The following MAML2 variants were observed in gnomAD, a reference collection of about 807,000 sequenced individuals.
MAML2 encodes mastermind-like protein 2.
MAML2 carries 22 observed loss-of-function variants against 96.1 expected under a neutral mutation model. The ratio of observed to expected loss-of-function variants is 0.23; its 90% CI spans 0.16 to 0.33. The LOEUF (loss-of-function observed/expected upper bound fraction) is 0.33. MAML2 is among the 10% of genes least tolerant of loss of function. The probability of loss-of-function intolerance (pLI) is 1.00; values close to 1 mark genes in which losing one functional copy is unlikely to be tolerated. For missense variants in MAML2, 1,367 were observed against 1,392.4 expected (o/e 0.98, Z 0.29); for synonymous variants, 561 against 521.3 (o/e 1.08, Z -1.04).
intron 1 of MAML2, among the ~76,000 whole-genome samples, chr11:96,234,465 T>G (rs988885608): frequency 1.1e-4 from 16 of 151,976 alleles, no homozygotes; most frequent in Non-Finnish European, 4.4e-5. Context: ...TGGGAAACAA[T>G]AGCAAAACTC....
chr11:96,062,283 T>C (rs1370579975), intron 2 of MAML2, among the ~76,000 whole-genome samples: 1 of 152,206 alleles, frequency 6.6e-6, no homozygotes, highest in Non-Finnish European at 1.5e-5. Context: ...GAGATTTAAC[T>C]GGTAATGCCA....
chr11:96,002,496 G>T (rs183323716), intron 2 of MAML2, among the ~76,000 whole-genome samples: 3 of 152,242 alleles, frequency 2.0e-5, no homozygotes, highest in Non-Finnish European at 2.9e-5. Flanking sequence ...GAATGATGAT[G>T]GAGATCATGA....
intron 1 of MAML2, among the ~76,000 whole-genome samples, chr11:96,104,659 GAATT>G (rs1278531689): frequency 6.6e-6 from 1 of 152,170 alleles, no homozygotes; most frequent in Admixed American, 6.5e-5. Flanking sequence ...GTAGGCATTT[GAATT>G]AAGAGATATG....
chr11:96,307,218 T>C (rs1367956318), intron 1 of MAML2, among the ~76,000 whole-genome samples: 1 of 152,204 alleles, frequency 6.6e-6, no homozygotes, highest in Non-Finnish European at 1.5e-5. Flanking sequence ...AAGGATATCA[T>C]TGCAGCCAGC....
chr11:96,331,567 G>C (rs1863854853), intron 1 of MAML2, among the ~76,000 whole-genome samples: 1 of 151,806 alleles, frequency 6.6e-6, no homozygotes, highest in Non-Finnish European at 1.5e-5. Context: ...GGAGGCCAAG[G>C]TGAGTGGATC....
chr11:96,251,365 G>T (rs1862579321), intron 1 of MAML2, among the ~76,000 whole-genome samples: 1 of 152,106 alleles, frequency 6.6e-6, no homozygotes, highest in Non-Finnish European at 1.5e-5. Context: ...TTTCTCTAAG[G>T]TATTGGGATA....
At chr11:96,061,996 G>A (rs929419030) in intron 2 of MAML2, among the ~76,000 whole-genome samples, 1 of 152,030 alleles carries the variant, frequency 6.6e-6, no homozygotes, top group Non-Finnish European at 1.5e-5. Context: ...TATGAGAGAC[G>A]AGTTCCACTT....
At chr11:96,218,824 C>A (rs1377501560) in intron 1 of MAML2, among the ~76,000 whole-genome samples, 1 of 152,104 alleles carries the variant, frequency 6.6e-6, no homozygotes, top group Non-Finnish European at 1.5e-5. Context: ...AAGTATGTCC[C>A]ATGGAATATT....
At chr11:96,249,182 C>G (rs1001513989) in intron 1 of MAML2, among the ~76,000 whole-genome samples, 1 of 152,218 alleles carries the variant, frequency 6.6e-6, no homozygotes, top group African/African-American at 2.4e-5. Context: ...TCTTTCTTCA[C>G]TAGCCTTTTG....
chr11:96,121,780 A>ATTTTTTTTTTGTTT (rs1860346664), intron 1 of MAML2, among the ~76,000 whole-genome samples: 1 of 35,238 alleles, frequency 2.8e-5, no homozygotes, highest in African/African-American at 1.3e-4. Flanking sequence ...CAACTGCGTG[A>ATTTTTTTTTTGTTT]TTTTTTTTTT....
chr11:96,105,340 ACC>A (rs1860005422), intron 1 of MAML2, among the ~76,000 whole-genome samples: 2 of 152,312 alleles, frequency 1.3e-5, no homozygotes, highest in Non-Finnish European at 1.5e-5. Context: ...TTACATCTCC[ACC>A]AATTCTCCCC....
intron 1 of MAML2, among the ~76,000 whole-genome samples, chr11:96,180,680 A>G (rs1861469434): frequency 6.6e-6 from 1 of 152,182 alleles, no homozygotes; most frequent in Non-Finnish European, 1.5e-5. Flanking sequence ...AGATGTTGTC[A>G]TTGCTTGAAA....
chr11:96,241,995 T>C (rs1246048503), intron 1 of MAML2, among the ~76,000 whole-genome samples: 1 of 152,256 alleles, frequency 6.6e-6, no homozygotes, highest in Non-Finnish European at 1.5e-5. Flanking sequence ...TTACTTGTTA[T>C]ATATCTTTGC....
chr11:96,293,819 A>G (rs1863248988), intron 1 of MAML2, among the ~76,000 whole-genome samples: 1 of 152,234 alleles, frequency 6.6e-6, no homozygotes, highest in South Asian at 2.1e-4. Flanking sequence ...GAAAGACTGA[A>G]GATTTTATAC....
In MAML2 at chr11:96,092,253, T is replaced by C. The variant is rs576914483; in HGVS notation, c.1778A>G (p.Gln593Arg). ...LLHYTQQQQQ[Q>R]QQQQQQQQQQ... ...CTGCTGCTGCTGCTGCTGCTGCTGT[T>C]GCTGCTGTTGCTGTTGGGTGTAGTG... Residue 593 changes from glutamine to arginine, a missense_variant, in exon 2 of 5, where the codon CAA becomes CGA. Coordinates refer to ENST00000524717, the MANE Select transcript of MAML2 (RefSeq NM_032427.4). This position sits in a 1 kb window ranked among gnomAD's most constrained non-coding sequence, Gnocchi z 4.1. 1.9e-6 allele frequency: 3 copies of C among 1,550,970 alleles called. No homozygotes were observed. In the East Asian group the frequency reaches 7.3e-5, roughly 38 times the overall value.
intron 2 of MAML2, among the ~76,000 whole-genome samples, chr11:95,994,808 G>T (rs900973842): frequency 7.2e-5 from 11 of 152,142 alleles, no homozygotes; most frequent in Admixed American, 3.9e-4. Context: ...ACAAGCATAG[G>T]TAGAAAAATT....
At chr11:96,315,821 G>A (rs1481970133) in intron 1 of MAML2, among the ~76,000 whole-genome samples, 1 of 152,174 alleles carries the variant, frequency 6.6e-6, no homozygotes, top group Non-Finnish European at 1.5e-5. Flanking sequence ...AGGAACTATA[G>A]GGAAACCCTG....
intron 1 of MAML2, among the ~76,000 whole-genome samples, chr11:96,159,694 G>T (rs1416268344): frequency 1.3e-5 from 2 of 152,062 alleles, no homozygotes; most frequent in African/African-American, 4.8e-5. Flanking sequence ...AAAGTGCTGG[G>T]ATTACAGGTG....
chr11:96,050,245 T>C (rs1858969682), intron 2 of MAML2, among the ~76,000 whole-genome samples: 1 of 152,088 alleles, frequency 6.6e-6, no homozygotes. Flanking sequence ...TCAACTACAC[T>C]TGAGTTCTGA....
Sources: gnomAD v4.1 joint callset for allele counts (sites outside exome capture counted in the v4.1 genomes callset) on GRCh38, gnomAD v4.1.1 for gene constraint, Gnocchi (gnomAD v3.1) non-coding constraint, MANE v1.5 for transcripts, NCBI Gene and HGNC (gene_info 2026-07-23, HGNC 2026-07-21) for gene names.